The following ATP6V0D1 variants were observed in gnomAD, a reference collection of about 807,000 sequenced individuals.
ATP6V0D1 encodes ATPase H+ transporting V0 subunit d1, also known as V-type proton ATPase subunit d 1.
ATP6V0D1 carries 13 observed loss-of-function variants against 39.0 expected under a neutral mutation model. That is an observed-to-expected ratio of 0.33 (90% CI 0.22 to 0.53). The LOEUF (loss-of-function observed/expected upper bound fraction) is 0.53. Among genes scored for constraint, ATP6V0D1 ranks in the 20% least tolerant of loss-of-function variants. The probability of loss-of-function intolerance (pLI) is 0.94; values close to 1 mark genes in which losing one functional copy is unlikely to be tolerated. For missense variants in ATP6V0D1, 272 were observed against 470.9 expected, an observed-to-expected ratio of 0.58 and a Z score of 3.91; for synonymous variants, 191 against 191.2, an observed-to-expected ratio of 1.00 and a Z score of 0.01.
At position 67,444,805 on chromosome 16, in the gene ATP6V0D1, C is replaced by G. The variant is rs1362274920; in HGVS notation, c.303-99G>C. On this transcript the variant is annotated intron_variant, in intron 2 of 7. Transcript: ENST00000290949. The surrounding 1 kb of genome is among the most constrained non-coding windows in gnomAD (Gnocchi z 4.8). ...CGCCCGCCTGCACAGGCCATCACCC[C>G]TTAACAATGTATGCTGACTCATGGG... is the stretch of plus-strand genomic sequence containing the variant. 1 of 1,144,650 alleles carries G rather than the reference C, an allele frequency of 8.7e-7. No homozygotes were observed. Among genetic ancestry groups the G allele is most frequent in the Non-Finnish European group, 1.2e-6 (1 of 826,730 alleles). The allele number at this position is 1,144,650 out of a possible 1,614,324, so 70.9% of individuals were successfully genotyped here. A position where few individuals can be genotyped will look rare whatever the true frequency, so the allele number is the denominator to read the frequency against.
intron 1 of ATP6V0D1, chr16:67,454,922 C>A (rs925109946): frequency 2.0e-5 from 3 of 152,436 alleles, no homozygotes; most frequent in Non-Finnish European, 1.5e-5. Flanking sequence ...CTGTCTCCCC[C>A]TCTTCCTTCA....
At chr16:67,459,128 T>C (rs571137290) in intron 1 of ATP6V0D1, 7 of 985,552 alleles carry the variant, frequency 7.1e-6, no homozygotes, top group African/African-American at 7.0e-5. Context: ...ACAGTGCTAC[T>C]TGCTGGCCAG....
intron 1 of ATP6V0D1, among the ~76,000 whole-genome samples, chr16:67,460,674 A>G (rs2041282346): frequency 6.6e-6 from 1 of 150,922 alleles, no homozygotes; most frequent in African/African-American, 2.4e-5. Context: ...CCCTCCCCCC[A>G]TGCCATCTGC....
At chr16:67,464,095 A>G (rs1437428551) in intron 1 of ATP6V0D1, among the ~76,000 whole-genome samples, 1 of 152,180 alleles carries the variant, frequency 6.6e-6, no homozygotes, top group Non-Finnish European at 1.5e-5. Flanking sequence ...ATGACCTGGC[A>G]GCCTCAGGGC....
chr16:67,458,529 G>A (rs192705377), intron 1 of ATP6V0D1, among the ~76,000 whole-genome samples: 153 of 152,320 alleles, frequency 1.0e-3, no homozygotes, highest in East Asian at 5.6e-3. Context: ...TGAGCAAGCA[G>A]TGTTCTGGCT....
rs942198889 is a variant in ATP6V0D1 at position 67,444,169 on chromosome 16, C to A, written c.481+359G>T. ...CTCTGGCTTTACTCAGGCTCCAGCT[C>A]CGGGCCACAGTCTGTCAGAGCTCTC... is the stretch of plus-strand genomic sequence containing the variant. On this transcript the variant is annotated intron_variant, in intron 3 of 7. Transcript: ENST00000290949. This position sits in a 1 kb window ranked among gnomAD's most constrained non-coding sequence, Gnocchi z 4.8. Among the ~76,000 whole-genome samples, 2 of 152,206 alleles carry A rather than the reference C, an allele frequency of 1.3e-5. No homozygotes were observed. The highest frequency in any genetic ancestry group is 4.8e-5 in the African/African-American group (2 of 41,458).
intron 1 of ATP6V0D1, among the ~76,000 whole-genome samples, chr16:67,458,218 GCTGGTT>G (rs2041257742): frequency 6.6e-6 from 1 of 152,242 alleles, no homozygotes; most frequent in African/African-American, 2.4e-5. Flanking sequence ...CTAGGACAAG[GCTGGTT>G]GGGATGCTCC....
intron 4 of ATP6V0D1, 72 bp from the exon 5 acceptor site, chr16:67,439,423 C>T: frequency 1.4e-6 from 2 of 1,397,738 alleles, no homozygotes; most frequent in Non-Finnish European, 1.0e-6. Context: ...CAAGCCCTCA[C>T]AGCTCCCTCC....
In ATP6V0D1 at chr16:67,447,166, G is replaced by A. The variant is rs1325831576; in HGVS notation, c.303-2460C>T. Among the ~76,000 whole-genome samples, 6 of 152,164 alleles carry A rather than the reference G, an allele frequency of 3.9e-5. No homozygotes were observed. Among genetic ancestry groups the A allele is most frequent in the African/African-American group, 1.2e-4 (5 of 41,436 alleles). ...AGCCTAGTAAGGGCCACTCACAATC[G>A]CACTACCCCAGCCCCTTCAAGGCCC... On this transcript the variant is annotated intron_variant, in intron 2 of 7. Transcript: ENST00000290949. This position sits in a 1 kb window ranked among gnomAD's most constrained non-coding sequence, Gnocchi z 4.1.
intron 1 of ATP6V0D1, among the ~76,000 whole-genome samples, chr16:67,466,326 T>TACACACACACACAC (rs536624557): frequency 4.1e-5 from 5 of 120,502 alleles, no homozygotes; most frequent in South Asian, 2.8e-4. Context: ...AGTAAACACA[T>TACACACACACACAC]ACACACACAC....
In ATP6V0D1 at chr16:67,476,346, A is replaced by G. The variant is rs558498258; in HGVS notation, c.130+4611T>C. 4.6e-5 allele frequency among the ~76,000 whole-genome samples: 7 copies of G among 152,368 alleles called. No homozygotes were observed. The South Asian group carries it at 1.4e-3, about 32-fold the overall frequency. ...TGGCCAAGAGACAATTTAAGCATCA[A>G]TAAGATTAATCAACTGAAACATAAC... On this transcript the variant is annotated intron_variant, in intron 1 of 7. Coordinates refer to ENST00000290949, the MANE Select transcript of ATP6V0D1 (RefSeq NM_004691.5).
At chr16:67,480,898 C>A in intron 1 of ATP6V0D1, 59 bp downstream of exon 1, 2 of 1,602,266 alleles carry the variant, frequency 1.2e-6, no homozygotes, top group Non-Finnish European at 1.7e-6. Context: ...CCGGCCTACA[C>A]CTCTGAACCC....
chr16:67,469,144 C>T (rs1314307998), intron 1 of ATP6V0D1, among the ~76,000 whole-genome samples: 1 of 152,058 alleles, frequency 6.6e-6, no homozygotes, highest in Non-Finnish European at 1.5e-5. Context: ...CGCATCTCTA[C>T]TAAAAATACA....
At position 67,438,422 on chromosome 16, in the gene ATP6V0D1, G is replaced by A; in HGVS notation, c.*106C>T. ...AGCGTACTACACCCCGGACAGGCAG[G>A]TGAGCCACAGGCTTGTCACAGACCA... On this transcript the variant is annotated 3_prime_UTR_variant, in exon 8 of 8. Coordinates refer to ENST00000290949, the MANE Select transcript of ATP6V0D1 (RefSeq NM_004691.5). 3 of 1,384,628 alleles carry A rather than the reference G, an allele frequency of 2.2e-6. No homozygotes were observed. The highest frequency in any genetic ancestry group is 1.4e-5 in the South Asian group (1 of 73,114). The allele number at this position is 1,384,628 out of a possible 1,614,324, so 85.8% of individuals were successfully genotyped here.
Position 67,438,486 on chromosome 16 carries a change from C to G in ATP6V0D1, c.*42G>C. ...GCACACACACGCGCACACACACACA[C>G]ACACACACAAAGAGTGCAATTGAGA... On this transcript the variant is annotated 3_prime_UTR_variant, in exon 8 of 8. Coordinates refer to ENST00000290949, the MANE Select transcript of ATP6V0D1 (RefSeq NM_004691.5). 1 of 1,609,088 alleles carries G rather than the reference C, an allele frequency of 6.2e-7. No homozygotes were observed. The highest frequency in any genetic ancestry group is 1.7e-5 in the Admixed American group (1 of 59,570).
chr16:67,465,839 G>A (rs904521997), intron 1 of ATP6V0D1, among the ~76,000 whole-genome samples: 2 of 152,186 alleles, frequency 1.3e-5, no homozygotes, highest in Admixed American at 6.5e-5. Context: ...CTTAAGTGAG[G>A]GAAGTAGGGC....
At position 67,439,133 on chromosome 16, in the gene ATP6V0D1, G is replaced by A. The variant is rs776138499; in HGVS notation, c.654C>T (p.Arg218=). ...MCPILEFEAD[R]RAFIITINSF... Reference sequence around the variant, plus strand: ...AATTGATGGTGATGATGAAGGCGCGGCGGTCTGCTTCAAACTGTGGAGCCA... The same window carrying A: ...AATTGATGGTGATGATGAAGGCGCGACGGTCTGCTTCAAACTGTGGAGCCA... The change falls in exon 6 of 8, where the codon CGC becomes CGT. Residue 218 remains arginine, a synonymous_variant. Coordinates refer to ENST00000290949, the MANE Select transcript of ATP6V0D1 (RefSeq NM_004691.5). 6.2e-7 allele frequency: 1 copy of A among 1,614,158 alleles called. No homozygotes were observed. The highest frequency in any genetic ancestry group is 1.1e-5 in the South Asian group (1 of 91,086).
Position 67,447,933 on chromosome 16 carries a change from C to T in ATP6V0D1, c.303-3227G>A, listed in dbSNP as rs1305645970. ...AGCTGCTAATGACAGTATCTGTATT[C>T]AATCACTTCTGGGTCCTGAAGAGCC... On this transcript the variant is annotated intron_variant, in intron 2 of 7. Coordinates refer to ENST00000290949, the MANE Select transcript of ATP6V0D1 (RefSeq NM_004691.5). This position sits in a 1 kb window ranked among gnomAD's most constrained non-coding sequence, Gnocchi z 4.1. Among the ~76,000 whole-genome samples, 1 of 152,214 alleles carries T rather than the reference C, an allele frequency of 6.6e-6. No individual in the cohort carries two copies. The highest frequency in any genetic ancestry group is 2.4e-5 in the African/African-American group (1 of 41,460).
chr16:67,448,314 C>A (rs1048904909), intron 2 of ATP6V0D1, among the ~76,000 whole-genome samples: 1 of 150,808 alleles, frequency 6.6e-6, no homozygotes, highest in Non-Finnish European at 1.5e-5. Context: ...GATCATGCCA[C>A]TGCACTCCAG....
Sources: allele counts gnomAD v4.1 joint callset (sites outside exome capture counted in the v4.1 genomes callset), GRCh38; gene constraint gnomAD v4.1.1; non-coding constraint Gnocchi (gnomAD v3.1); transcripts MANE v1.5; gene names NCBI Gene and HGNC (gene_info 2026-07-23, HGNC 2026-07-21).